NPSR1: variants seen among roughly 807,000 people sequenced by gnomAD.
NPSR1 encodes the protein neuropeptide S receptor.
In NPSR1, 48 loss-of-function variants were observed where a neutral mutation model predicts 46.9. That is an observed-to-expected ratio of 1.02 (90% CI 0.81 to 1.30). The LOEUF (loss-of-function observed/expected upper bound fraction) is 1.30. NPSR1 is among the 50% of genes most tolerant of loss of function. NPSR1 has a pLI of 0.00. For missense variants in NPSR1, 450 were observed against 449.5 expected (o/e 1.00, Z -0.01); for synonymous variants, 176 against 168.1 (o/e 1.05, Z -0.36).
At chr7:34,665,361 A>G (rs934550351) in intron 1 of NPSR1, among the ~76,000 whole-genome samples, 3 of 152,192 alleles carry the variant, frequency 2.0e-5, no homozygotes, top group Non-Finnish European at 4.4e-5. Flanking sequence ...ACTTTGACTG[A>G]ATTCCATTGG....
intron 1 of NPSR1, among the ~76,000 whole-genome samples, chr7:34,680,159 C>G (rs1267750286): frequency 6.6e-6 from 1 of 151,686 alleles, no homozygotes. Context: ...CTAACCAATG[C>G]AAAAAAATGG....
At chr7:34,688,207 A>T (rs1793035730) in intron 2 of NPSR1, among the ~76,000 whole-genome samples, 1 of 152,204 alleles carries the variant, frequency 6.6e-6, no homozygotes, top group Non-Finnish European at 1.5e-5. Flanking sequence ...TGCAAAAATA[A>T]ATCTTCTTTG....
intron 5 of NPSR1, among the ~76,000 whole-genome samples, chr7:34,830,727 G>T (rs1484750037): frequency 2.0e-5 from 3 of 152,164 alleles, no homozygotes; most frequent in Non-Finnish European, 4.4e-5. Flanking sequence ...CTAACTCAGT[G>T]GCTTTTCTGC....
intron 3 of NPSR1, among the ~76,000 whole-genome samples, chr7:34,804,056 T>C (rs1408634370): frequency 1.3e-5 from 2 of 152,044 alleles, no homozygotes; most frequent in Non-Finnish European, 2.9e-5. Context: ...CATTAGTGAA[T>C]TCTGTCAATC....
intron 3 of NPSR1, among the ~76,000 whole-genome samples, chr7:34,792,723 A>ATATGTATATATATATTTATATATATG (rs1787986173): frequency 7.7e-6 from 1 of 130,410 alleles, no homozygotes; most frequent in Non-Finnish European, 1.6e-5. Context: ...ATTTATATAT[A>ATATGTATATATATATTTATATATATG]TATATATATA....
At chr7:34,731,355 A>G (rs1190654758) in intron 2 of NPSR1, among the ~76,000 whole-genome samples, 1 of 152,216 alleles carries the variant, frequency 6.6e-6, no homozygotes, top group Non-Finnish European at 1.5e-5. Context: ...GCCAAAAACT[A>G]AATAAATGAA....
At chr7:34,720,781 G>T (rs182479003) in intron 2 of NPSR1, among the ~76,000 whole-genome samples, 178 of 152,154 alleles carry the variant, frequency 1.2e-3, no homozygotes, top group Non-Finnish European at 2.2e-3. Context: ...AGTCTTATTT[G>T]TTCACTGTAC....
At chr7:34,821,054 G>C (rs1789531243) in intron 4 of NPSR1, among the ~76,000 whole-genome samples, 1 of 151,924 alleles carries the variant, frequency 6.6e-6, no homozygotes, top group Non-Finnish European at 1.5e-5. Flanking sequence ...CTTGGCTGAG[G>C]AGGAAATCCA....
intron 8 of NPSR1, chr7:34,877,925 G>A (rs1791614750): frequency 3.8e-6 from 2 of 520,862 alleles, no homozygotes; most frequent in African/African-American, 1.9e-5. Flanking sequence ...GGCTATTTGT[G>A]GTGGTATTAA....
intron 2 of NPSR1, among the ~76,000 whole-genome samples, chr7:34,714,964 C>T (rs181320558): frequency 7.3e-4 from 111 of 152,328 alleles, no homozygotes; most frequent in African/African-American, 2.6e-3. Flanking sequence ...ACCCCACATC[C>T]CAGGCTGGTA....
intron 1 of NPSR1, among the ~76,000 whole-genome samples, chr7:34,676,596 CAT>C (rs1212074001): frequency 6.6e-6 from 1 of 152,074 alleles, no homozygotes; most frequent in Non-Finnish European, 1.5e-5. Context: ...TGAGTGTTTT[CAT>C]ACTTAATGAC....
chr7:34,671,202 T>C (rs1792037624), intron 1 of NPSR1, among the ~76,000 whole-genome samples: 1 of 152,126 alleles, frequency 6.6e-6, no homozygotes, highest in Non-Finnish European at 1.5e-5. Context: ...AAATATAATA[T>C]ATTTCAAGTT....
intron 2 of NPSR1, among the ~76,000 whole-genome samples, chr7:34,769,451 T>G (rs1265500978): frequency 1.3e-5 from 2 of 152,184 alleles, no homozygotes; most frequent in African/African-American, 2.4e-5. Context: ...AAAAAATACA[T>G]CCTCTTTTAA....
At chr7:34,792,700 C>T (rs325453) in intron 3 of NPSR1, among the ~76,000 whole-genome samples, 55,294 of 80,810 alleles carry the variant, frequency 0.68, 20,026 homozygotes, top group African/African-American at 0.9. Flanking sequence ...TATATATATA[C>T]GTATATATAT....
chr7:34,856,918 G>GA (rs1264528667), intron 8 of NPSR1, among the ~76,000 whole-genome samples: 1 of 151,356 alleles, frequency 6.6e-6, no homozygotes, highest in Non-Finnish European at 1.5e-5. Context: ...GATGGGGGGG[G>GA]AAATCTCTTC....
intron 2 of NPSR1, among the ~76,000 whole-genome samples, chr7:34,766,398 A>AC (rs1786434817): frequency 6.6e-6 from 1 of 152,222 alleles, no homozygotes; most frequent in African/African-American, 2.4e-5. Flanking sequence ...AAAAACCTGT[A>AC]CATGAATGTT....
At position 34,811,794 on chromosome 7, in the gene NPSR1, T is replaced by C; in HGVS notation, c.409T>C (p.Tyr137His). 6.2e-7 allele frequency: 1 copy of C among 1,613,326 alleles called. No homozygotes were observed. The highest frequency in any genetic ancestry group is 1.1e-5 in the South Asian group (1 of 90,978). Residue 137 changes from tyrosine to histidine, a missense_variant, in exon 4 of 9, where the codon TAC (tyrosine) becomes CAC (histidine). Coordinates refer to ENST00000360581, the MANE Select transcript of NPSR1 (RefSeq NM_207172.2). ...LQVVLLYAST[Y>H]VLVSLSIDRY... ...GGTTGTGCTGCTCTACGCCTCTACC[T>C]ACGTCCTGGTGTCCCTCAGCATAGA...
chr7:34,763,100 G>A (rs981648219), intron 2 of NPSR1, among the ~76,000 whole-genome samples: 2 of 152,146 alleles, frequency 1.3e-5, no homozygotes, highest in African/African-American at 4.8e-5. Context: ...CAAGCACTGA[G>A]TATCTTGCCA....
At chr7:34,728,529 T>A (rs554416777) in intron 2 of NPSR1, among the ~76,000 whole-genome samples, 1 of 152,350 alleles carries the variant, frequency 6.6e-6, no homozygotes, top group South Asian at 2.1e-4. Context: ...TAAAAATAAC[T>A]GGACTTTGAT....
Sources: allele counts gnomAD v4.1 joint callset (sites outside exome capture counted in the v4.1 genomes callset), GRCh38; gene constraint gnomAD v4.1.1; transcripts MANE v1.5; gene names NCBI Gene and HGNC (gene_info 2026-07-23, HGNC 2026-07-21).